DGKK: variants seen among roughly 807,000 people sequenced by gnomAD.
The protein encoded by DGKK is diacylglycerol kinase kappa, also known as 142 kDa diacylglycerol kinase.
Under a neutral mutation model 92.2 loss-of-function variants are expected in DGKK, and 35 were observed. The observed-to-expected ratio is 0.38, with a 90% CI of 0.29 to 0.50. The LOEUF is 0.50. DGKK is among the 20% of genes least tolerant of loss of function. The pLI, the probability that DGKK is intolerant of heterozygous loss-of-function variation, is 0.92. For synonymous variants in DGKK, 368 were observed against 360.6 expected (o/e 1.02, Z -0.23); for missense variants, 910 against 992.2 (o/e 0.92, Z 1.11).
chrX:50,426,364 G>C (rs1320112728), intron 1 of DGKK, among the ~76,000 whole-genome samples: 1 of 112,123 alleles, frequency 8.9e-6, no homozygotes, highest in Non-Finnish European at 1.9e-5. Context: ...TCATGGGCTA[G>C]TAAACAAAAA....
At chrX:50,374,861 C>T in intron 25 of DGKK, 110 bp downstream of exon 25, 1 of 625,456 alleles carries the variant, frequency 1.6e-6, no homozygotes, top group Non-Finnish European at 2.5e-6. Flanking sequence ...AGGCAAGCAC[C>T]TGGCCAAAAT....
intron 4 of DGKK, among the ~76,000 whole-genome samples, chrX:50,409,529 T>G (rs2147132079): frequency 8.9e-6 from 1 of 112,143 alleles, no homozygotes; most frequent in Admixed American, 9.4e-5. Context: ...AGATTAAAAA[T>G]CCATTCTGAA....
intron 4 of DGKK, 143 bp downstream of exon 4, chrX:50,420,260 C>T: frequency 3.9e-6 from 2 of 510,007 alleles, no homozygotes; most frequent in Non-Finnish European, 6.4e-6. Context: ...ATGAATAATT[C>T]TAAAGAGGTT....
chrX:50,425,189 T>C (rs907898354), intron 1 of DGKK, among the ~76,000 whole-genome samples: 1 of 111,541 alleles, frequency 9.0e-6, no homozygotes, highest in Admixed American at 9.5e-5. Flanking sequence ...AATCACCACA[T>C]CAAGGCTCTA....
intron 8 of DGKK, among the ~76,000 whole-genome samples, chrX:50,394,802 G>A (rs1339760652): frequency 8.9e-6 from 1 of 111,817 alleles, no homozygotes; most frequent in Non-Finnish European, 1.9e-5. Flanking sequence ...TAGGGAAAGG[G>A]GGTAGATATT....
intron 8 of DGKK, 145 bp downstream of exon 8, chrX:50,400,892 G>A (rs781914211): frequency 8.2e-6 from 4 of 487,884 alleles, no homozygotes; most frequent in Non-Finnish European, 1.4e-5. Flanking sequence ...AGAACCAGGA[G>A]CTATCTATAT....
chrX:50,412,556 G>A (rs982261806), intron 4 of DGKK, among the ~76,000 whole-genome samples: 1 of 111,940 alleles, frequency 8.9e-6, no homozygotes, highest in Non-Finnish European at 1.9e-5. Flanking sequence ...TTCACCAAAA[G>A]AACAAAGCTG....
In DGKK at chrX:50,366,488, A is replaced by G. The variant is rs1254899336; in HGVS notation, c.*2452T>C. ...GGTGAAAGGGAATCCACATGGCACA[A>G]CAGAGCAACAGCAGCATCACTGTGC... On this transcript the variant is annotated 3_prime_UTR_variant, in exon 28 of 28. Coordinates refer to ENST00000611977, the MANE Select transcript of DGKK (RefSeq NM_001013742.4). 1 of 111,903 alleles carries G rather than the reference A, an allele frequency of 8.9e-6. No individual in the cohort carries two copies. Among genetic ancestry groups the G allele is most frequent in the Admixed American group, 9.5e-5 (1 of 10,529 alleles). The allele number at this position is 111,903 out of a possible 1,213,427, so 9.2% of individuals were successfully genotyped here.
Position 50,470,080 on chromosome X carries a change from G to A in DGKK, c.599C>T (p.Ser200Leu). 8.3e-7 allele frequency: 1 copy of A among 1,209,794 alleles called. No individual in the cohort carries two copies. Among genetic ancestry groups the A allele is most frequent in the Non-Finnish European group, 1.1e-6 (1 of 894,166 alleles). ...ERGLKTSPSP[S>L]PSPSPRTPMS... ...TGGCGTTCTGGGCGATGGCGATGGCGATGGCGATGGCGAGGTCTTTAGACC... is the reference window on the plus strand; with the variant it reads ...TGGCGTTCTGGGCGATGGCGATGGCAATGGCGATGGCGAGGTCTTTAGACC... Residue 200 changes from serine to leucine, a missense_variant, in exon 1 of 28, where the codon TCG becomes TTG. Ser to Leu is a moderately radical substitution (Grantham distance 145). Transcript: ENST00000611977.
In DGKK at chrX:50,393,360, G is replaced by GA. The variant is rs782745878; in HGVS notation, c.1412-26dup. 3.3e-5 allele frequency: 38 copies of GA among 1,143,869 alleles called. No individual in the cohort carries two copies. The African/African-American group carries it at 4.8e-4, about 14-fold the overall frequency. 94.3% of individuals were successfully genotyped at this position (1,143,869 alleles called of 1,213,427 possible). A position where few individuals can be genotyped will look rare whatever the true frequency, so the allele number is the denominator to read the frequency against. On this transcript the variant is annotated intron_variant, in intron 8 of 27. Transcript: ENST00000611977. Reference sequence around the variant, plus strand: ...CCTGACACAACGAAAAGAAAAAGAAGAAAAAAAAGAACGGACCCGTTGAGA... The same window carrying GA: ...CCTGACACAACGAAAAGAAAAAGAAGAAAAAAAAAGAACGGACCCGTTGAGA...
rs148281692 is a variant in DGKK, at chrX:50,429,081, C to T, written c.646-4723G>A. On this transcript the variant is annotated intron_variant, in intron 1 of 27. Coordinates refer to ENST00000611977, the MANE Select transcript of DGKK (RefSeq NM_001013742.4). ...GGAGGCACTGAAGGGAGAACCCTTGCCTATCCCCTAAGAAGATTTGCATAC... is the reference window on the plus strand; with the variant it reads ...GGAGGCACTGAAGGGAGAACCCTTGTCTATCCCCTAAGAAGATTTGCATAC... 2.9e-4 allele frequency among the ~76,000 whole-genome samples: 32 copies of T among 111,971 alleles called. 1 individual carries two copies. The East Asian group carries it at 8.6e-3, about 30-fold the overall frequency.
At chrX:50,439,853 G>A (rs1934170) in intron 1 of DGKK, among the ~76,000 whole-genome samples, 2,766 of 110,824 alleles carry the variant, frequency 0.025, 81 homozygotes, top group African/African-American at 0.085. Context: ...TAGGACTCAT[G>A]AGGTCCCCAG....
chrX:50,407,092 G>A (rs1473713516), intron 4 of DGKK, among the ~76,000 whole-genome samples: 1 of 111,917 alleles, frequency 8.9e-6, no homozygotes, highest in Non-Finnish European at 1.9e-5. Context: ...ACTTTTATAA[G>A]GTAGCAGAGA....
At chrX:50,401,984 C>T (rs906718141) in intron 7 of DGKK, among the ~76,000 whole-genome samples, 1 of 111,540 alleles carries the variant, frequency 9.0e-6, no homozygotes, top group Non-Finnish European at 1.9e-5. Context: ...CACTCCATGT[C>T]AGTAGCGCTT....
At chrX:50,369,520 C>CTCCT (rs782604067) in intron 27 of DGKK, among the ~76,000 whole-genome samples, 2 of 102,893 alleles carry the variant, frequency 1.9e-5, no homozygotes, top group African/African-American at 7.2e-5. Flanking sequence ...TTTTTTCTCC[C>CTCCT]TCCTTCCTTC....
chrX:50,463,898 A>G (rs934612087), intron 1 of DGKK, among the ~76,000 whole-genome samples: 3 of 110,315 alleles, frequency 2.7e-5, no homozygotes, highest in Non-Finnish European at 5.7e-5. Context: ...TTTCTCCCCT[A>G]CCTATCTTTT....
intron 4 of DGKK, among the ~76,000 whole-genome samples, chrX:50,408,471 C>T (rs1015653897): frequency 6.3e-5 from 7 of 111,625 alleles, no homozygotes; most frequent in Admixed American, 9.4e-5. Flanking sequence ...CTCCGCCTCC[C>T]GGGTTCACGC....
At position 50,422,492 on chromosome X, in the gene DGKK, G is replaced by C; in HGVS notation, c.791C>G (p.Ala264Gly). The change falls in exon 3 of 28, where the codon GCC becomes GGC. Residue 264 changes from alanine (A) to glycine (G), a missense_variant. By Grantham distance (60) the Ala-to-Gly change is moderately conservative. Transcript: ENST00000611977. The part of the protein sequence containing the change: ...AHFETIDLSQ[A>G]TVAESSCRNL... Reference sequence around the variant, plus strand: ...TCTACAGCTGCTTTCTGCCACAGTGGCTTGAGACAGATCAATCGTTTCAAA... The same window carrying C: ...TCTACAGCTGCTTTCTGCCACAGTGCCTTGAGACAGATCAATCGTTTCAAA... 8.3e-7 allele frequency: 1 copy of C among 1,207,294 alleles called. No individual in the cohort carries two copies. The highest frequency in any genetic ancestry group is 1.1e-6 in the Non-Finnish European group (1 of 893,244).
Position 50,379,278 on chromosome X carries a change from G to T in DGKK, c.2862+349C>A, listed in dbSNP as rs782629494. ...GGAGGTTGCAGTGAGCTGAGATCTTGCCACTCCAGCCTGGATGACAGAGCA... is the reference window on the plus strand; with the variant it reads ...GGAGGTTGCAGTGAGCTGAGATCTTTCCACTCCAGCCTGGATGACAGAGCA... On this transcript the variant is annotated intron_variant, in intron 20 of 27. Coordinates refer to ENST00000611977, the MANE Select transcript of DGKK (RefSeq NM_001013742.4). 7.3e-5 allele frequency among the ~76,000 whole-genome samples: 7 copies of T among 96,546 alleles called. No individual in the cohort carries two copies. The South Asian group carries it at 3.1e-3, about 43-fold the overall frequency. The allele number at this position is 96,546 out of a possible 115,157, so 83.8% of individuals were successfully genotyped here.
Sources: allele counts gnomAD v4.1 joint callset (sites outside exome capture counted in the v4.1 genomes callset), GRCh38; gene constraint gnomAD v4.1.1; transcripts MANE v1.5; gene names NCBI Gene and HGNC (gene_info 2026-07-23, HGNC 2026-07-21).